Variants in LHX8 observed in about 807,000 individuals in gnomAD.
LHX8 encodes LIM/homeobox protein Lhx8.
In LHX8, 12 loss-of-function variants were observed where a neutral mutation model predicts 40.3. The observed-to-expected ratio is 0.30, with a 90% CI of 0.19 to 0.48. LHX8 has a LOEUF of 0.48. Among genes scored for constraint, LHX8 ranks in the 20% least tolerant of loss-of-function variants. LHX8 has a pLI of 0.99. For missense variants in LHX8, 344 were observed against 433.7 expected (o/e 0.79, Z 1.84); for synonymous variants, 179 against 162.0 (o/e 1.10, Z -0.80).
At chr1:75,146,566 C>T (rs917330907) in intron 6 of LHX8, among the ~76,000 whole-genome samples, 1 of 152,030 alleles carries the variant, frequency 6.6e-6, no homozygotes, top group Non-Finnish European at 1.5e-5. Context: ...GATCTCCTGG[C>T]CTAAAAATGA....
At chr1:75,142,998 C>A (rs1458481031) in intron 4 of LHX8, 120 bp from the exon 5 acceptor site, 4 of 773,100 alleles carry the variant, frequency 5.2e-6, no homozygotes, top group Non-Finnish European at 6.5e-6. Context: ...TTCATTCTCA[C>A]AATATTTAAA....
the LHX8 span, among the ~76,000 whole-genome samples, chr1:75,189,477 A>T: frequency 1.3e-5 from 2 of 152,344 alleles, no homozygotes; most frequent in South Asian, 4.1e-4. Context: ...TTTAGCACAC[A>T]TAGCACATGC....
At chr1:75,131,348 T>C (rs1647955350), upstream of LHX8, 1 of 159,118 alleles carries the variant, frequency 6.3e-6, no homozygotes, top group Admixed American at 5.8e-5. Flanking sequence ...AGGCAAAGGG[T>C]TCAATAGTCA....
At chr1:75,183,872 T>C in the LHX8 span, among the ~76,000 whole-genome samples, 106 of 152,302 alleles carry the variant, frequency 7.0e-4, no homozygotes, top group African/African-American at 2.5e-3. Context: ...TATGCTGTTT[T>C]CAAAACACCC....
At chr1:75,168,552 G>A in the LHX8 span, among the ~76,000 whole-genome samples, 2 of 152,110 alleles carry the variant, frequency 1.3e-5, no homozygotes, top group Admixed American at 1.3e-4. Flanking sequence ...ATTTGTCCTG[G>A]ATAATCTGCT....
chr1:75,190,972 A>G, the LHX8 span, among the ~76,000 whole-genome samples: 8 of 152,174 alleles, frequency 5.3e-5, no homozygotes, highest in Non-Finnish European at 1.0e-4. Context: ...AAATTCATAG[A>G]ATATACACTT....
the LHX8 span, among the ~76,000 whole-genome samples, chr1:75,178,110 C>A: frequency 6.6e-6 from 1 of 152,178 alleles, no homozygotes; most frequent in African/African-American, 2.4e-5. Flanking sequence ...CACTGATGTT[C>A]ATCAGGGATA....
intron 2 of LHX8, 47 bp from the exon 3 acceptor site, chr1:75,137,053 A>AGGG: frequency 1.3e-6 from 2 of 1,545,568 alleles, no homozygotes; most frequent in Non-Finnish European, 1.7e-6. Context: ...TGGGATGCGA[A>AGGG]GGGGAGGAGG....
At chr1:75,151,587 T>C (rs1255494824) in intron 7 of LHX8, among the ~76,000 whole-genome samples, 2 of 152,184 alleles carry the variant, frequency 1.3e-5, no homozygotes, top group East Asian at 3.8e-4. Flanking sequence ...TAATGAATTT[T>C]CTCATTATTG....
chr1:75,136,566 CTG>C, intron 1 of LHX8, 35 bp from the exon 2 acceptor site: 1 of 1,445,240 alleles, frequency 6.9e-7, no homozygotes, highest in Non-Finnish European at 9.5e-7. Flanking sequence ...AACTTCTGAT[CTG>C]TTTCTCCATA....
chr1:75,185,512 C>CAGCCATTCATCCTAAAAACT, the LHX8 span, among the ~76,000 whole-genome samples: 2 of 147,674 alleles, frequency 1.4e-5, no homozygotes, highest in East Asian at 2.0e-4. Flanking sequence ...CATATGATTA[C>CAGCCATTCATCCTAAAAACT]CTCAATAAAC....
chr1:75,157,797 A>G (rs1648810766), intron 8 of LHX8, among the ~76,000 whole-genome samples: 1 of 152,170 alleles, frequency 6.6e-6, no homozygotes. Context: ...ATATACCACA[A>G]TTTATCCATT....
At chr1:75,177,469 T>C in the LHX8 span, among the ~76,000 whole-genome samples, 1 of 151,938 alleles carries the variant, frequency 6.6e-6, no homozygotes. Context: ...GAATTGGCTC[T>C]TTGTTTGTCT....
chr1:75,150,312 CAAAAG>C (rs1045337529), intron 7 of LHX8, among the ~76,000 whole-genome samples: 13 of 152,124 alleles, frequency 8.5e-5, no homozygotes, highest in Non-Finnish European at 1.5e-5. Context: ...ATGTGAAAGT[CAAAAG>C]AAAGCTGGAT....
At chr1:75,177,167 G>T in the LHX8 span, among the ~76,000 whole-genome samples, 1 of 151,870 alleles carries the variant, frequency 6.6e-6, no homozygotes, top group Non-Finnish European at 1.5e-5. Context: ...GCTCTTTTTT[G>T]GTTCCATATG....
Position 75,136,648 on chromosome 1 carries a change from G to T in LHX8, c.34G>T (p.Ala12Ser). ...SEECGRTTAL[A>S]AGRTRKGAGE... ...GGAGTGCGGGCGGACTACAGCCCTG[G>T]CGGCCGGGAGGACTCGCAAAGGCGC... Residue 12 changes from alanine to serine, a missense_variant, in exon 2 of 9, where the codon GCG (alanine) becomes TCG (serine). This residue lies in a region of LHX8 where 108 missense variants were observed against 90.1 expected (regional missense o/e 1.20). Coordinates refer to ENST00000356261, the MANE Select transcript of LHX8 (RefSeq NM_001256114.2). The T allele has an allele frequency of 6.5e-7, 1 of 1,549,216 alleles. No homozygotes were observed.
intron 8 of LHX8, among the ~76,000 whole-genome samples, chr1:75,158,634 T>C (rs1246073939): frequency 6.6e-6 from 1 of 152,168 alleles, no homozygotes; most frequent in African/African-American, 2.4e-5. Flanking sequence ...AGCTTCTCTG[T>C]AGAGACATAT....
At chr1:75,194,555 C>T in the LHX8 span, among the ~76,000 whole-genome samples, 10 of 152,182 alleles carry the variant, frequency 6.6e-5, no homozygotes, top group Non-Finnish European at 1.0e-4. Flanking sequence ...TTTATAGCCA[C>T]CACCTGTGCT....
chr1:75,185,757 T>C, the LHX8 span, among the ~76,000 whole-genome samples: 2 of 152,072 alleles, frequency 1.3e-5, no homozygotes, highest in African/African-American at 4.8e-5. Flanking sequence ...GTCAAATTTT[T>C]CCTGTTTGCA....
Sources: allele counts gnomAD v4.1 joint callset (sites outside exome capture counted in the v4.1 genomes callset), GRCh38; gene constraint gnomAD v4.1.1; regional missense constraint gnomAD v4.1.1; transcripts MANE v1.5; gene names NCBI Gene and HGNC (gene_info 2026-07-23, HGNC 2026-07-21).